The following AGPAT1 variants were observed in gnomAD, a reference collection of about 807,000 sequenced individuals.
AGPAT1 encodes 1-acylglycerol-3-phosphate O-acyltransferase 1, also known as 1-acyl-sn-glycerol-3-phosphate acyltransferase alpha.
A neutral mutation model predicts 31.2 loss-of-function variants in AGPAT1; 6 were observed. The observed-to-expected ratio is 0.19, with a 90% CI of 0.11 to 0.38. AGPAT1 has a LOEUF of 0.38. Ranked by LOEUF, AGPAT1 falls within the 10% of genes least tolerant of loss-of-function variation. AGPAT1 has a pLI of 1.00. For synonymous variants in AGPAT1, 139 were observed against 154.0 expected, an observed-to-expected ratio of 0.90 and a Z score of 0.72; for missense variants, 187 against 377.8, an observed-to-expected ratio of 0.49 and a Z score of 4.19.
rs952965803 is a variant in AGPAT1 at position 32,170,149 on chromosome 6, G to A, written c.606+16C>T. 4 of 1,613,690 alleles carry A rather than the reference G, an allele frequency of 2.5e-6. No homozygotes were observed. Among genetic ancestry groups the A allele is most frequent in the Middle Eastern group, 1.7e-4 (1 of 6,058 alleles). On this transcript the variant is annotated intron_variant, in intron 5 of 6. Transcript: ENST00000375107. The surrounding 1 kb of genome is among the most constrained non-coding windows in gnomAD (Gnocchi z 7.7). ...GGGGTTGGCAGCTGAGTAGCAGAAC[G>A]AAGAGCAGTAGTCACCTGGGCCTGC... is the stretch of plus-strand genomic sequence containing the variant.
Position 32,172,308 on chromosome 6 carries a change from T to C in AGPAT1, c.-9-803A>G, listed in dbSNP as rs1228290891. On this transcript the variant is annotated intron_variant, in intron 1 of 6. Coordinates refer to ENST00000375107, the MANE Select transcript of AGPAT1 (RefSeq NM_006411.4). This position sits in a 1 kb window ranked among gnomAD's most constrained non-coding sequence, Gnocchi z 4.3. Reference sequence around the variant, plus strand: ...GCCTGGGCAATGGAGTGAGACTCCATTTCCAAAAAAAAAAAAAGAAATTAT... The same window carrying C: ...GCCTGGGCAATGGAGTGAGACTCCACTTCCAAAAAAAAAAAAAGAAATTAT... Among the ~76,000 whole-genome samples the C allele has an allele frequency of 6.6e-6, 1 of 151,296 alleles. No homozygotes were observed. Among genetic ancestry groups the C allele is most frequent in the African/African-American group, 2.4e-5 (1 of 41,132 alleles).
Position 32,171,811 on chromosome 6 carries a change from T to C in AGPAT1, c.-9-306A>G. ...AATAAATGACAACAAGAATAATAGCTAACACTTGTAGCTGGTAAGGGTCTT... is the reference window on the plus strand; with the variant it reads ...AATAAATGACAACAAGAATAATAGCCAACACTTGTAGCTGGTAAGGGTCTT... On this transcript the variant is annotated intron_variant, in intron 1 of 6. Transcript: ENST00000375107. The surrounding 1 kb of genome is among the most constrained non-coding windows in gnomAD (Gnocchi z 6.9). The C allele has an allele frequency of 1.9e-6, 1 of 534,214 alleles. No individual in the cohort carries two copies. Among genetic ancestry groups the C allele is most frequent in the Non-Finnish European group, 3.4e-6 (1 of 297,488 alleles). The allele number at this position is 534,214 out of a possible 1,614,324, so 33.1% of individuals were successfully genotyped here. A position where few individuals can be genotyped will look rare whatever the true frequency, so the allele number is the denominator to read the frequency against.
In AGPAT1 at chr6:32,172,337, C is replaced by T. The variant is rs1785176568; in HGVS notation, c.-9-832G>A. Among the ~76,000 whole-genome samples, 1 of 151,726 alleles carries T rather than the reference C, an allele frequency of 6.6e-6. No homozygotes were observed. The highest frequency in any genetic ancestry group is 1.5e-5 in the Non-Finnish European group (1 of 67,928). Reference sequence around the variant, plus strand: ...CAAAAAAAAAAAAAGAAATTATAATCTTTTGGATGTTATCAGATTCAAGAA... The same window carrying T: ...CAAAAAAAAAAAAAGAAATTATAATTTTTTGGATGTTATCAGATTCAAGAA... On this transcript the variant is annotated intron_variant, in intron 1 of 6. Transcript: ENST00000375107. This position sits in a 1 kb window ranked among gnomAD's most constrained non-coding sequence, Gnocchi z 4.3.
rs1265934164 is a variant in AGPAT1 at position 32,171,289 on chromosome 6, C to A, written c.200+8G>T. The A allele has an allele frequency of 6.2e-7, 1 of 1,613,040 alleles. No individual in the cohort carries two copies. Among genetic ancestry groups the A allele is most frequent in the Admixed American group, 1.7e-5 (1 of 60,014 alleles). The stretch of plus-strand genomic sequence containing the variant: ...TTCCCTCATTGCCCAAGACCCCTTG[C>A]CCCTCACTTCATGTTCTCGACGTTG... On this transcript the variant is annotated splice_region_variant and intron_variant, in intron 2 of 6. Transcript: ENST00000375107. This position sits in a 1 kb window ranked among gnomAD's most constrained non-coding sequence, Gnocchi z 6.9.
At chr6:32,177,594 A>G (rs986920583), upstream of AGPAT1, 18 of 152,418 alleles carry the variant, frequency 1.2e-4, no homozygotes, top group Non-Finnish European at 4.4e-5. Flanking sequence ...GGTTAACACC[A>G]GCGCCGCAGA....
Position 32,169,269 on chromosome 6 carries a change from C to T in AGPAT1, c.*7G>A. ...GGACAGATGGGAGGAGAGCTCAGAGCCAGGGTTCACCCACCGCCCCCAGGC... is the reference window on the plus strand; with the variant it reads ...GGACAGATGGGAGGAGAGCTCAGAGTCAGGGTTCACCCACCGCCCCCAGGC... On this transcript the variant is annotated 3_prime_UTR_variant, in exon 7 of 7. Transcript: ENST00000375107. This position sits in a 1 kb window ranked among gnomAD's most constrained non-coding sequence, Gnocchi z 5.9. 1 of 1,612,072 alleles carries T rather than the reference C, an allele frequency of 6.2e-7. No individual in the cohort carries two copies. Among genetic ancestry groups the T allele is most frequent in the Non-Finnish European group, 8.5e-7 (1 of 1,179,430 alleles).
chr6:32,176,579 T>A, upstream of AGPAT1: 1 of 968,352 alleles, frequency 1.0e-6, no homozygotes, highest in East Asian at 1.1e-4. Flanking sequence ...CATCTCACTC[T>A]CCAGTCCTCT....
rs1333740041 is a variant in AGPAT1 at position 32,170,537 on chromosome 6, C to G, written c.398G>C (p.Gly133Ala). Residue 133 changes from glycine (G) to alanine (A), a missense_variant, in exon 4 of 7, where the codon GGC becomes GCC. Coordinates refer to ENST00000375107, the MANE Select transcript of AGPAT1 (RefSeq NM_006411.4). The surrounding 1 kb of genome is among the most constrained non-coding windows in gnomAD (Gnocchi z 7.7). ...CAGCCAGCAGGCCAGCCCGGCAGAGCCAGCCCACAGTAGCTCGCGCTTGGC... is the reference window on the plus strand; with the variant it reads ...CAGCCAGCAGGCCAGCCCGGCAGAGGCAGCCCACAGTAGCTCGCGCTTGGC... The part of the protein sequence containing the change: ...PIAKRELLWA[G>A]SAGLACWLAG... 6.2e-7 allele frequency: 1 copy of G among 1,612,980 alleles called. No individual in the cohort carries two copies.
In AGPAT1 at chr6:32,169,095, AAG is replaced by A; in HGVS notation, c.*179_*180del. 1 of 667,796 alleles carries A rather than the reference AAG, an allele frequency of 1.5e-6. No homozygotes were observed. Among genetic ancestry groups the A allele is most frequent in the Non-Finnish European group, 2.5e-6 (1 of 397,604 alleles). 41.4% of individuals were successfully genotyped at this position (667,796 alleles called of 1,614,324 possible). A position where few individuals can be genotyped will look rare whatever the true frequency, so the allele number is the denominator to read the frequency against. On this transcript the variant is annotated 3_prime_UTR_variant, in exon 7 of 7. Coordinates refer to ENST00000375107, the MANE Select transcript of AGPAT1 (RefSeq NM_006411.4). This position sits in a 1 kb window ranked among gnomAD's most constrained non-coding sequence, Gnocchi z 5.9. ...GAGGCAAGAGTCCATGGATGGGGCC[AAG>A]AGGGGGCAGGAGTGGCGCTGTATCC...
At position 32,170,354 on chromosome 6, in the gene AGPAT1, T is replaced by C. The variant is rs926428611; in HGVS notation, c.510+71A>G. 30 of 1,609,992 alleles carry C rather than the reference T, an allele frequency of 1.9e-5. No homozygotes were observed. The highest frequency in any genetic ancestry group is 2.5e-5 in the Non-Finnish European group (29 of 1,176,560). On this transcript the variant is annotated intron_variant, in intron 4 of 6. Coordinates refer to ENST00000375107, the MANE Select transcript of AGPAT1 (RefSeq NM_006411.4). The surrounding 1 kb of genome is among the most constrained non-coding windows in gnomAD (Gnocchi z 7.7). ...TGGGACCTTTGAGGCCCACTGGCCC[T>C]GCATATCAGTTTATTTACAACTGTT...
In AGPAT1 at chr6:32,175,894, C is replaced by G. The variant is rs1181323426; in HGVS notation, c.-90G>C. ...GCGGTGGTGGCGGATGGCTGTGTCT[C>G]TGTCTCTGTCGGGGTGTCGGTGCCA... On this transcript the variant is annotated 5_prime_UTR_variant, in exon 1 of 7. Coordinates refer to ENST00000375107, the MANE Select transcript of AGPAT1 (RefSeq NM_006411.4). The surrounding 1 kb of genome is among the most constrained non-coding windows in gnomAD (Gnocchi z 4.5). 1.0e-6 allele frequency: 1 copy of G among 986,482 alleles called. No homozygotes were observed. The highest frequency in any genetic ancestry group is 1.2e-6 in the Non-Finnish European group (1 of 830,764). The allele number at this position is 986,482 out of a possible 1,614,324, so 61.1% of individuals were successfully genotyped here.
chr6:32,171,151 TTC>T lies in AGPAT1; in HGVS notation c.201-83_201-82del. 6.3e-7 allele frequency: 1 copy of T among 1,588,494 alleles called. No homozygotes were observed. The highest frequency in any genetic ancestry group is 8.6e-7 in the Non-Finnish European group (1 of 1,164,566). ...CTCAGCTCCCCCCACCTTACTGTCTTTCTGACCACCTTTGCAGTCCTCTCCCC... is the reference window on the plus strand; with the variant it reads ...CTCAGCTCCCCCCACCTTACTGTCTTTGACCACCTTTGCAGTCCTCTCCCC... On this transcript the variant is annotated intron_variant, in intron 2 of 6. Transcript: ENST00000375107. The surrounding 1 kb of genome is among the most constrained non-coding windows in gnomAD (Gnocchi z 6.9).
Position 32,171,182 on chromosome 6 carries a change from C to A in AGPAT1, c.201-112G>T. ...CCACCTTTGCAGTCCTCTCCCCATT[C>A]CCTGTCTCTGGTCTCTCTCAGTCTT... On this transcript the variant is annotated intron_variant, in intron 2 of 6. Coordinates refer to ENST00000375107, the MANE Select transcript of AGPAT1 (RefSeq NM_006411.4). The surrounding 1 kb of genome is among the most constrained non-coding windows in gnomAD (Gnocchi z 6.9). 6.3e-7 allele frequency: 1 copy of A among 1,591,570 alleles called. No individual in the cohort carries two copies. The highest frequency in any genetic ancestry group is 1.1e-5 in the South Asian group (1 of 87,886).
chr6:32,176,264 A>G, upstream of AGPAT1: 1 of 606,708 alleles, frequency 1.6e-6, no homozygotes, highest in Non-Finnish European at 2.1e-6. Flanking sequence ...CTTTGCCCCC[A>G]TCTCTGGCTC....
In AGPAT1 at chr6:32,170,047, G is replaced by A; in HGVS notation, c.607-9C>T. Reference sequence around the variant, plus strand: ...ATGGGGACAATGGGAACCTGGGGAAGGGTTAAAGCAGGTCAGTCCACAGCT... The same window carrying A: ...ATGGGGACAATGGGAACCTGGGGAAAGGTTAAAGCAGGTCAGTCCACAGCT... On this transcript the variant is annotated splice_polypyrimidine_tract_variant and intron_variant, in intron 5 of 6. Transcript: ENST00000375107. This position sits in a 1 kb window ranked among gnomAD's most constrained non-coding sequence, Gnocchi z 7.7. 6.2e-7 allele frequency: 1 copy of A among 1,613,770 alleles called. No individual in the cohort carries two copies. Among genetic ancestry groups the A allele is most frequent in the Non-Finnish European group, 8.5e-7 (1 of 1,179,664 alleles).
rs748306381 is a variant in AGPAT1 at position 32,172,457 on chromosome 6, A to T, written c.-9-952T>A. Among the ~76,000 whole-genome samples, 1 of 152,198 alleles carries T rather than the reference A, an allele frequency of 6.6e-6. No homozygotes were observed. Among genetic ancestry groups the T allele is most frequent in the Non-Finnish European group, 1.5e-5 (1 of 68,034 alleles). On this transcript the variant is annotated intron_variant, in intron 1 of 6. Coordinates refer to ENST00000375107, the MANE Select transcript of AGPAT1 (RefSeq NM_006411.4). This position sits in a 1 kb window ranked among gnomAD's most constrained non-coding sequence, Gnocchi z 4.3. ...TGTGGCTTGCATTATATTTCTGTAGAACAGTACTGGTCTATACATTAAGTT... is the reference window on the plus strand; with the variant it reads ...TGTGGCTTGCATTATATTTCTGTAGTACAGTACTGGTCTATACATTAAGTT...
chr6:32,176,126 G>A (rs1303028379), upstream of AGPAT1: 5 of 985,520 alleles, frequency 5.1e-6, no homozygotes, highest in East Asian at 2.3e-4. Flanking sequence ...GGTTTCCGGG[G>A]CCGGCCAGGA....
In AGPAT1 at chr6:32,171,368, G is replaced by C; in HGVS notation, c.129C>G (p.Gly43=). The C allele has an allele frequency of 1.9e-6, 3 of 1,613,186 alleles. No homozygotes were observed. The highest frequency in any genetic ancestry group is 2.5e-6 in the Non-Finnish European group (3 of 1,180,054). ...KYFFKMAFYN[G]WILFLAVLAI... The stretch of plus-strand genomic sequence containing the variant: ...CGAGCACAGCCAGGAAGAGGATCCA[G>C]CCATTGTAGAAGGCCATCTTGAAGA... Residue 43 remains glycine (G), a synonymous_variant, in exon 2 of 7, where the codon GGC becomes GGG. Transcript: ENST00000375107. The surrounding 1 kb of genome is among the most constrained non-coding windows in gnomAD (Gnocchi z 6.9).
rs1785339236 is a variant in AGPAT1, at chr6:32,174,259, T to C, written c.-10+1555A>G. 6.6e-6 allele frequency among the ~76,000 whole-genome samples: 1 copy of C among 152,212 alleles called. No homozygotes were observed. Among genetic ancestry groups the C allele is most frequent in the South Asian group, 2.1e-4 (1 of 4,836 alleles). ...TACCCACCCATAGAGCCACAGTTAA[T>C]GACAGAGATGGCGGTTCTGATCACA... On this transcript the variant is annotated intron_variant, in intron 1 of 6. Coordinates refer to ENST00000375107, the MANE Select transcript of AGPAT1 (RefSeq NM_006411.4). The surrounding 1 kb of genome is among the most constrained non-coding windows in gnomAD (Gnocchi z 4.5).
Sources: gnomAD v4.1 joint callset for allele counts (sites outside exome capture counted in the v4.1 genomes callset) on GRCh38, gnomAD v4.1.1 for gene constraint, Gnocchi (gnomAD v3.1) non-coding constraint, MANE v1.5 for transcripts, NCBI Gene and HGNC (gene_info 2026-07-23, HGNC 2026-07-21) for gene names.